SLC9A9: variants seen among roughly 807,000 people sequenced by gnomAD.
The protein encoded by SLC9A9 is solute carrier family 9 member A9.
A neutral mutation model predicts 77.8 loss-of-function variants in SLC9A9; 62 were observed. The observed-to-expected ratio is 0.80, with a 90% CI of 0.65 to 0.98. The LOEUF (loss-of-function observed/expected upper bound fraction) is 0.98, where lower values mean the gene tolerates loss of function less well. Ranked by LOEUF, SLC9A9 falls within the 50% of genes least tolerant of loss-of-function variation. The pLI, the probability that SLC9A9 is intolerant of heterozygous loss-of-function variation, is 0.00. For missense variants in SLC9A9, 775 were observed against 774.9 expected (o/e 1.00, Z 0.00); for synonymous variants, 320 against 283.5 (o/e 1.13, Z -1.29).
intron 12 of SLC9A9, among the ~76,000 whole-genome samples, chr3:143,458,374 C>T (rs891134183): frequency 1.3e-5 from 2 of 152,038 alleles, no homozygotes; most frequent in South Asian, 4.1e-4. Context: ...TGTTTTTAAT[C>T]TGCCTTGACA....
At chr3:143,513,430 T>A (rs1034690706) in intron 9 of SLC9A9, among the ~76,000 whole-genome samples, 1 of 152,220 alleles carries the variant, frequency 6.6e-6, no homozygotes, top group Non-Finnish European at 1.5e-5. Flanking sequence ...CTATTTCTCT[T>A]GCTATTCCTA....
At chr3:143,830,173 C>T (rs764071883) in intron 2 of SLC9A9, among the ~76,000 whole-genome samples, 23 of 152,130 alleles carry the variant, frequency 1.5e-4, no homozygotes, top group Non-Finnish European at 2.8e-4. Context: ...AAAATCTTTT[C>T]CCCTTAAAGC....
intron 6 of SLC9A9, among the ~76,000 whole-genome samples, chr3:143,591,948 GC>G (rs762354392): frequency 3.3e-5 from 5 of 152,196 alleles, no homozygotes; most frequent in Non-Finnish European, 7.3e-5. Context: ...TGAACAACAA[GC>G]AAGGGACTCA....
intron 8 of SLC9A9, among the ~76,000 whole-genome samples, chr3:143,553,723 A>C (rs1219124467): frequency 1.3e-5 from 2 of 152,238 alleles, no homozygotes; most frequent in African/African-American, 2.4e-5. Flanking sequence ...ATTATGCTTC[A>C]AAATTTTAGA....
intron 14 of SLC9A9, among the ~76,000 whole-genome samples, chr3:143,353,543 T>C (rs1374662094): frequency 6.6e-6 from 1 of 152,210 alleles, no homozygotes; most frequent in Admixed American, 6.5e-5. Context: ...CTTCCAGAAC[T>C]GTGATAAATA....
At chr3:143,532,502 C>T (rs1463160440) in intron 9 of SLC9A9, among the ~76,000 whole-genome samples, 1 of 152,114 alleles carries the variant, frequency 6.6e-6, no homozygotes, top group African/African-American at 2.4e-5. Flanking sequence ...AAGATATACA[C>T]CAGTCTCTAA....
At chr3:143,546,195 A>G (rs527268072) in intron 9 of SLC9A9, among the ~76,000 whole-genome samples, 1 of 152,358 alleles carries the variant, frequency 6.6e-6, no homozygotes, top group South Asian at 2.1e-4. Context: ...TCATGCACAG[A>G]ACATATAATT....
At chr3:143,657,780 AAATGTTTT>A (rs1329119762) in intron 5 of SLC9A9, among the ~76,000 whole-genome samples, 1 of 152,232 alleles carries the variant, frequency 6.6e-6, no homozygotes, top group Non-Finnish European at 1.5e-5. Flanking sequence ...ATTAACATGT[AAATGTTTT>A]ATGATTGTTA....
intron 4 of SLC9A9, among the ~76,000 whole-genome samples, chr3:143,751,154 G>A (rs956095102): frequency 1.3e-5 from 2 of 152,174 alleles, no homozygotes; most frequent in African/African-American, 4.8e-5. Flanking sequence ...ATTGCAGGGC[G>A]AGTCAAGAGT....
intron 12 of SLC9A9, among the ~76,000 whole-genome samples, chr3:143,391,697 C>T (rs974890597): frequency 7.9e-5 from 12 of 152,270 alleles, no homozygotes; most frequent in African/African-American, 2.2e-4. Context: ...AAGCTAAAAA[C>T]TTTGAAAAAA....
chr3:143,526,508 C>T (rs1172172572), intron 9 of SLC9A9, among the ~76,000 whole-genome samples: 2 of 152,124 alleles, frequency 1.3e-5, no homozygotes, highest in East Asian at 3.8e-4. Context: ...AAGAAACAGA[C>T]CTGCCCCTAA....
chr3:143,449,569 T>TATATAAAATAATTATATAAAATATA (rs1559921186), intron 12 of SLC9A9, among the ~76,000 whole-genome samples: 4 of 33,630 alleles, frequency 1.2e-4, no homozygotes, highest in East Asian at 2.3e-3. Context: ...AAAATATAAT[T>TATATAAAATAATTATATAAAATATA]ATAATTATAT....
chr3:143,783,336 C>T (rs185323405), intron 4 of SLC9A9, among the ~76,000 whole-genome samples: 5 of 152,190 alleles, frequency 3.3e-5, no homozygotes, highest in Admixed American at 3.3e-4. Flanking sequence ...CTCGCTGCTG[C>T]CCTCCCCCTT....
intron 13 of SLC9A9, among the ~76,000 whole-genome samples, chr3:143,380,577 G>A (rs1015123886): frequency 6.6e-6 from 1 of 152,178 alleles, no homozygotes; most frequent in African/African-American, 2.4e-5. Flanking sequence ...ACCAGTGTAA[G>A]GAGATGGGCT....
chr3:143,326,655 T>C (rs189397381), intron 14 of SLC9A9, among the ~76,000 whole-genome samples: 74 of 152,318 alleles, frequency 4.9e-4, no homozygotes, highest in Non-Finnish European at 2.2e-4. Flanking sequence ...CTACCTTCTC[T>C]AATGTAATTC....
intron 9 of SLC9A9, among the ~76,000 whole-genome samples, chr3:143,513,217 C>G (rs1445795345): frequency 5.3e-5 from 8 of 152,230 alleles, no homozygotes; most frequent in Non-Finnish European, 5.9e-5. Context: ...TCAATCCTCT[C>G]AAACTCTGCG....
chr3:143,764,296 G>A (rs975305689), intron 4 of SLC9A9, among the ~76,000 whole-genome samples: 1 of 152,142 alleles, frequency 6.6e-6, no homozygotes, highest in African/African-American at 2.4e-5. Flanking sequence ...GCTTCTCAGG[G>A]TGAACATACC....
At chr3:143,627,547 G>T in intron 6 of SLC9A9, 1 of 310,910 alleles carries the variant, frequency 3.2e-6, no homozygotes, top group South Asian at 3.9e-5. Context: ...GCAGCAGAAG[G>T]AGTGGAACTA....
intron 4 of SLC9A9, among the ~76,000 whole-genome samples, chr3:143,786,893 AG>A (rs1305121358): frequency 2.0e-5 from 3 of 152,198 alleles, no homozygotes; most frequent in African/African-American, 7.2e-5. Flanking sequence ...CACAGAGAGC[AG>A]CAGCCCAGAC....
Sources: allele counts gnomAD v4.1 joint callset (sites outside exome capture counted in the v4.1 genomes callset), GRCh38; gene constraint gnomAD v4.1.1; transcripts MANE v1.5; gene names NCBI Gene and HGNC (gene_info 2026-07-23, HGNC 2026-07-21).